KAZN: variants seen among roughly 807,000 people sequenced by gnomAD.
KAZN encodes the protein kazrin.
A neutral mutation model predicts 87.4 loss-of-function variants in KAZN; 40 were observed. The observed-to-expected ratio is 0.46, with a 90% CI of 0.36 to 0.60. The LOEUF (loss-of-function observed/expected upper bound fraction) is 0.60. Among genes scored for constraint, KAZN ranks in the 20% least tolerant of loss-of-function variants. The pLI is 0.00. For missense variants in KAZN, 898 were observed against 1,073.9 expected (o/e 0.84, Z 2.29); for synonymous variants, 466 against 458.3 (o/e 1.02, Z -0.22).
At chr1:14,388,990 A>G (rs773529198) in intron 2 of KAZN, among the ~76,000 whole-genome samples, 3 of 152,306 alleles carry the variant, frequency 2.0e-5, no homozygotes, top group South Asian at 4.1e-4. Flanking sequence ...AGGCACTCAA[A>G]CAACTCTACA....
intron 1 of KAZN, among the ~76,000 whole-genome samples, chr1:14,737,973 G>A (rs1342628375): frequency 6.6e-6 from 1 of 152,170 alleles, no homozygotes; most frequent in African/African-American, 2.4e-5. Flanking sequence ...AAGAATAGAA[G>A]CGAAATCCCA....
intron 1 of KAZN, among the ~76,000 whole-genome samples, chr1:14,802,547 G>A (rs1000557982): frequency 2.0e-5 from 3 of 152,124 alleles, no homozygotes; most frequent in Admixed American, 2.0e-4. Flanking sequence ...GCTGCTCACT[G>A]TCCTACTATA....
At chr1:14,187,242 G>T (rs191565362) in intron 2 of KAZN, among the ~76,000 whole-genome samples, 270 of 152,170 alleles carry the variant, frequency 1.8e-3, no homozygotes, top group Non-Finnish European at 2.8e-3. Context: ...TAGAAAGGGG[G>T]TATGTAATTT....
chr1:14,245,255 C>T (rs1033464444), intron 2 of KAZN, among the ~76,000 whole-genome samples: 11 of 151,994 alleles, frequency 7.2e-5, no homozygotes, highest in African/African-American at 2.2e-4. Flanking sequence ...GGCTTTTCCC[C>T]AGGCAGGAGA....
chr1:14,190,547 C>T (rs1487228707), intron 2 of KAZN, among the ~76,000 whole-genome samples: 1 of 152,088 alleles, frequency 6.6e-6, no homozygotes, highest in Admixed American at 6.5e-5. Flanking sequence ...TTTACTTGCC[C>T]TTTGATTCTG....
chr1:14,070,575 A>G (rs1296657621), intron 1 of KAZN, among the ~76,000 whole-genome samples: 1 of 152,258 alleles, frequency 6.6e-6, no homozygotes, highest in Non-Finnish European at 1.5e-5. Flanking sequence ...TCATTTCTAC[A>G]GTGCTGTGGC....
chr1:13,951,823 C>T (rs1213837625), intron 1 of KAZN, among the ~76,000 whole-genome samples: 1 of 152,174 alleles, frequency 6.6e-6, no homozygotes, highest in Non-Finnish European at 1.5e-5. Flanking sequence ...CACCCACTTT[C>T]TGCTTTTATA....
At chr1:13,984,479 T>A (rs1024832300) in intron 1 of KAZN, among the ~76,000 whole-genome samples, 3 of 152,240 alleles carry the variant, frequency 2.0e-5, no homozygotes, top group African/African-American at 7.2e-5. Context: ...TAAATTCATA[T>A]TTTGACCTAA....
At chr1:14,782,554 C>CAAAAAAAAAA (rs71572122) in intron 1 of KAZN, among the ~76,000 whole-genome samples, 320 of 66,250 alleles carry the variant, frequency 4.8e-3, no homozygotes, top group Non-Finnish European at 6.5e-3. Context: ...CCTCAAAGAG[C>CAAAAAAAAAA]AAAAAAAAAA....
At chr1:14,436,734 A>AAAAAAAAAC (rs563539375) in intron 2 of KAZN, among the ~76,000 whole-genome samples, 1 of 137,368 alleles carries the variant, frequency 7.3e-6, no homozygotes, top group Non-Finnish European at 1.5e-5. Flanking sequence ...AAAAAAAAAA[A>AAAAAAAAAC]AAAACCTTAA....
intron 2 of KAZN, among the ~76,000 whole-genome samples, chr1:14,244,681 A>T (rs1649325860): frequency 6.6e-6 from 1 of 152,072 alleles, no homozygotes; most frequent in Admixed American, 6.6e-5. Flanking sequence ...GGGGAGGAAG[A>T]ACATTCCAGG....
intron 4 of KAZN, among the ~76,000 whole-genome samples, chr1:15,055,032 A>G (rs2100475858): frequency 6.6e-6 from 1 of 152,396 alleles, no homozygotes; most frequent in South Asian, 2.1e-4. Flanking sequence ...GAAGGTGCAC[A>G]TGGCACTTCT....
At chr1:14,206,138 C>A (rs1646739345) in intron 2 of KAZN, among the ~76,000 whole-genome samples, 1 of 152,054 alleles carries the variant, frequency 6.6e-6, no homozygotes, top group African/African-American at 2.4e-5. Context: ...TCAAATTTCT[C>A]ATTTCCATTT....
chr1:14,226,495 G>A (rs746934357), intron 2 of KAZN, among the ~76,000 whole-genome samples: 1 of 152,140 alleles, frequency 6.6e-6, no homozygotes, highest in African/African-American at 2.4e-5. Context: ...CAGTTTGGAG[G>A]TTTCTCAGAG....
intron 2 of KAZN, among the ~76,000 whole-genome samples, chr1:14,519,050 G>A (rs1671442866): frequency 1.3e-5 from 2 of 152,204 alleles, no homozygotes; most frequent in African/African-American, 4.8e-5. Flanking sequence ...TAGGTGAGGG[G>A]TAGGAAGGGA....
Position 14,709,217 on chromosome 1 carries a change from C to G in KAZN, c.226+109994C>G, listed in dbSNP as rs576842781. Among the ~76,000 whole-genome samples the G allele has an allele frequency of 4.8e-4, 73 of 152,252 alleles. 1 individual carries two copies. In the South Asian group the frequency reaches 0.015, roughly 30 times the overall value. On this transcript the variant is annotated intron_variant, in intron 1 of 14. Transcript: ENST00000376030. ...GCAAATAGAGAGCTGAGATCCAAAC[C>G]CCTGTGAGTCTCACTCCGGAGCCCA...
At chr1:14,965,027 TA>T (rs1052326523) in intron 2 of KAZN, among the ~76,000 whole-genome samples, 7 of 151,278 alleles carry the variant, frequency 4.6e-5, no homozygotes, top group Admixed American at 1.3e-4. Context: ...CATATATATA[TA>T]TTTTTTTCTT....
At chr1:14,374,669 G>T (rs1431952220) in intron 2 of KAZN, among the ~76,000 whole-genome samples, 2 of 152,142 alleles carry the variant, frequency 1.3e-5, no homozygotes, top group African/African-American at 4.8e-5. Flanking sequence ...TCAGGAGTGT[G>T]GCCTTTCTGA....
intron 2 of KAZN, among the ~76,000 whole-genome samples, chr1:14,427,439 G>T (rs1240471800): frequency 6.6e-6 from 1 of 151,964 alleles, no homozygotes; most frequent in African/African-American, 2.4e-5. Context: ...ATTGTTTTTT[G>T]TAGAAGTTAT....
Sources: gnomAD v4.1 joint callset for allele counts (sites outside exome capture counted in the v4.1 genomes callset) on GRCh38, gnomAD v4.1.1 for gene constraint, MANE v1.5 for transcripts, NCBI Gene and HGNC (gene_info 2026-07-23, HGNC 2026-07-21) for gene names.